Variants in WDTC1 observed in about 807,000 individuals in gnomAD.
WDTC1 encodes WD and tetratricopeptide repeats protein 1.
A neutral mutation model predicts 76.0 loss-of-function variants in WDTC1; 12 were observed. That is an observed-to-expected ratio of 0.16 (90% CI 0.10 to 0.26). WDTC1 has a LOEUF of 0.26. Ranked by LOEUF, WDTC1 falls within the 10% of genes least tolerant of loss-of-function variation. The probability of loss-of-function intolerance (pLI) is 1.00; values close to 1 mark genes in which losing one functional copy is unlikely to be tolerated. For synonymous variants in WDTC1, 326 were observed against 350.8 expected, an observed-to-expected ratio of 0.93 and a Z score of 0.79; for missense variants, 511 against 908.8, an observed-to-expected ratio of 0.56 and a Z score of 5.63.
intron 1 of WDTC1, among the ~76,000 whole-genome samples, chr1:27,239,396 C>T (rs2011564911): frequency 6.6e-6 from 1 of 151,062 alleles, no homozygotes; most frequent in South Asian, 2.1e-4. Flanking sequence ...GTAGCATGTG[C>T]CTGTATTCCC....
intron 1 of WDTC1, among the ~76,000 whole-genome samples, chr1:27,240,928 T>A (rs2011611503): frequency 1.4e-5 from 2 of 145,000 alleles, no homozygotes; most frequent in African/African-American, 5.1e-5. Flanking sequence ...TGAGTTGAGA[T>A]CGCAACACTG....
intron 6 of WDTC1, among the ~76,000 whole-genome samples, chr1:27,291,212 A>C (rs1055773357): frequency 1.3e-5 from 2 of 152,232 alleles, no homozygotes; most frequent in Non-Finnish European, 2.9e-5. Flanking sequence ...AGAAATAAAC[A>C]TGGCATGTGC....
Position 27,234,845 on chromosome 1 carries a change from C to A in WDTC1, c.-206C>A. The A allele has an allele frequency of 5.0e-6, 2 of 396,824 alleles. No homozygotes were observed. The highest frequency in any genetic ancestry group is 8.9e-6 in the Non-Finnish European group (2 of 224,932). 24.6% of individuals were successfully genotyped at this position (396,824 alleles called of 1,614,324 possible). The stretch of plus-strand genomic sequence containing the variant: ...TAGAACTGCTCGAGCCCCCCAGCCC[C>A]CTCCCCGGGATCCGCGCCCCCCTTC... On this transcript the variant is annotated 5_prime_UTR_variant, in exon 1 of 16. Transcript: ENST00000319394.
intron 3 of WDTC1, among the ~76,000 whole-genome samples, chr1:27,267,250 T>C (rs975674006): frequency 7.3e-6 from 1 of 137,102 alleles, no homozygotes; most frequent in African/African-American, 2.6e-5. Flanking sequence ...GATTACTTTC[T>C]TTTTTTTTTT....
Position 27,301,493 on chromosome 1 carries a change from C to G in WDTC1, c.1468+32C>G. On this transcript the variant is annotated intron_variant, in intron 13 of 15. Coordinates refer to ENST00000319394, the MANE Select transcript of WDTC1 (RefSeq NM_001276252.2). The surrounding 1 kb of genome is among the most constrained non-coding windows in gnomAD (Gnocchi z 5.8). The stretch of plus-strand genomic sequence containing the variant: ...GGGCACTGAGGAGGGGGTGCTGTTA[C>G]TCTTTCTCTTTGAGATGCTGCATGA... The G allele has an allele frequency of 6.2e-6, 10 of 1,600,454 alleles. No homozygotes were observed. The highest frequency in any genetic ancestry group is 8.5e-6 in the Non-Finnish European group (10 of 1,175,274).
rs2013377713 is a variant in WDTC1 at position 27,287,604 on chromosome 1, C to G, written c.292-70C>G. 3 of 1,502,602 alleles carry G rather than the reference C, an allele frequency of 2.0e-6. No individual in the cohort carries two copies. In the African/African-American group the frequency reaches 4.1e-5, roughly 21 times the overall value. The allele number at this position is 1,502,602 out of a possible 1,614,324, so 93.1% of individuals were successfully genotyped here. A position where few individuals can be genotyped will look rare whatever the true frequency, so the allele number is the denominator to read the frequency against. ...TGGAGAGAGAAAAGGGTGCAGACAT[C>G]CAGGCTAGCCTCCTTCCGTGGCCAT... is the stretch of plus-strand genomic sequence containing the variant. On this transcript the variant is annotated intron_variant, in intron 5 of 15. Coordinates refer to ENST00000319394, the MANE Select transcript of WDTC1 (RefSeq NM_001276252.2).
intron 5 of WDTC1, 131 bp from the exon 6 acceptor site, chr1:27,287,543 C>T (rs914453980): frequency 6.2e-5 from 65 of 1,042,484 alleles, no homozygotes; most frequent in Middle Eastern, 6.3e-4. Flanking sequence ...TGAGCCACCG[C>T]GCCCAGCCTG....
chr1:27,263,253 C>T lies in WDTC1; in HGVS notation c.132+18C>T, dbSNP rs773396185. The T allele has an allele frequency of 6.2e-7, 1 of 1,610,250 alleles. No individual in the cohort carries two copies. Among genetic ancestry groups the T allele is most frequent in the Non-Finnish European group, 8.5e-7 (1 of 1,178,728 alleles). The stretch of plus-strand genomic sequence containing the variant: ...AGCTGCAGGTAAGAGATCCAGTTTG[C>T]ACCTTAGATGCAGATGGCCTGCTGT... On this transcript the variant is annotated intron_variant, in intron 3 of 15. Coordinates refer to ENST00000319394, the MANE Select transcript of WDTC1 (RefSeq NM_001276252.2).
At chr1:27,294,248 C>T (rs560874322) in intron 8 of WDTC1, 132 bp downstream of exon 8, 1 of 947,384 alleles carries the variant, frequency 1.1e-6, no homozygotes, top group African/African-American at 1.7e-5. Flanking sequence ...GAGTTTTAAT[C>T]CCAACTCTGC....
In WDTC1 at chr1:27,305,171, G is replaced by A. The variant is rs1413841781; in HGVS notation, c.1814G>A (p.Arg605Gln). 1.2e-6 allele frequency: 2 copies of A among 1,613,890 alleles called. No homozygotes were observed. Among genetic ancestry groups the A allele is most frequent in the Non-Finnish European group, 1.7e-6 (2 of 1,179,958 alleles). The change falls in exon 15 of 16, where the codon CGG becomes CAG. Residue 605 changes from arginine to glutamine, a missense_variant. Transcript: ENST00000319394. This position sits in a 1 kb window ranked among gnomAD's most constrained non-coding sequence, Gnocchi z 4.6. ...LATSGIDPVVRLWNPRPESED... is the reference protein window; with the variant it reads ...LATSGIDPVVQLWNPRPESED... ...ACCAGTGGCATCGATCCTGTTGTGC[G>A]GCTCTGGAACCCCCGACCAGAGGTG...
At chr1:27,285,598 C>T (rs1293647856) in intron 5 of WDTC1, among the ~76,000 whole-genome samples, 2 of 151,924 alleles carry the variant, frequency 1.3e-5, no homozygotes, top group African/African-American at 4.8e-5. Flanking sequence ...GATAGAACTA[C>T]ATACTTTCTT....
intron 3 of WDTC1, 84 bp from the exon 4 acceptor site, chr1:27,282,155 C>G: frequency 7.6e-7 from 1 of 1,321,352 alleles, no homozygotes; most frequent in Non-Finnish European, 1.1e-6. Flanking sequence ...ACTGGTTTAC[C>G]TGTTCAGTTC....
chr1:27,252,780 A>G (rs1273151907), intron 1 of WDTC1, among the ~76,000 whole-genome samples: 5 of 151,896 alleles, frequency 3.3e-5, no homozygotes, highest in Non-Finnish European at 7.4e-5. Context: ...CCTGGGTGAC[A>G]GACCGAGACT....
Position 27,305,145 on chromosome 1 carries a change from C to G in WDTC1, c.1788C>G (p.Ala596=), listed in dbSNP as rs761502664. 3 of 1,614,102 alleles carry G rather than the reference C, an allele frequency of 1.9e-6. No individual in the cohort carries two copies. Among genetic ancestry groups the G allele is most frequent in the Non-Finnish European group, 1.7e-6 (2 of 1,180,000 alleles). ...CACACCCCAGCTACTGCTTCCTGGC[C>G]ACCAGTGGCATCGATCCTGTTGTGC... ...LQPHPSYCFL[A]TSGIDPVVRL... is the part of the protein sequence containing the mutation. Residue 596 remains alanine (A), a synonymous_variant, in exon 15 of 16, where the codon GCC becomes GCG. Coordinates refer to ENST00000319394, the MANE Select transcript of WDTC1 (RefSeq NM_001276252.2). The surrounding 1 kb of genome is among the most constrained non-coding windows in gnomAD (Gnocchi z 4.6).
intron 2 of WDTC1, among the ~76,000 whole-genome samples, chr1:27,262,464 TTG>T (rs2012512111): frequency 3.3e-5 from 5 of 150,204 alleles, no homozygotes; most frequent in Non-Finnish European, 5.9e-5. Context: ...TCTTGGCTCA[TTG>T]CAACCTCCAC....
At chr1:27,297,243 C>T in intron 11 of WDTC1, 87 bp downstream of exon 11, 2 of 1,211,460 alleles carry the variant, frequency 1.7e-6, no homozygotes, top group South Asian at 2.8e-5. Flanking sequence ...AATCTTCCTC[C>T]TGACCCACAC....
intron 3 of WDTC1, among the ~76,000 whole-genome samples, chr1:27,276,661 C>T (rs2013036423): frequency 6.6e-6 from 1 of 151,504 alleles, no homozygotes; most frequent in Non-Finnish European, 1.5e-5. Flanking sequence ...CCACTGCACT[C>T]CAGCCTGGGT....
chr1:27,288,266 C>CA (rs1305995781), intron 6 of WDTC1, among the ~76,000 whole-genome samples: 1 of 152,204 alleles, frequency 6.6e-6, no homozygotes, highest in Non-Finnish European at 1.5e-5. Context: ...CTAAAGTAGA[C>CA]AGACGTTATG....
chr1:27,296,700 T>C (rs1225333041), intron 10 of WDTC1, among the ~76,000 whole-genome samples: 3 of 151,428 alleles, frequency 2.0e-5, no homozygotes, highest in Admixed American at 1.3e-4. Flanking sequence ...AGTCTTCTCA[T>C]TGATTTCTTC....
Sources: allele counts gnomAD v4.1 joint callset (sites outside exome capture counted in the v4.1 genomes callset), GRCh38; gene constraint gnomAD v4.1.1; non-coding constraint Gnocchi (gnomAD v3.1); transcripts MANE v1.5; gene names NCBI Gene and HGNC (gene_info 2026-07-23, HGNC 2026-07-21).